ANO1: variants seen among roughly 807,000 people sequenced by gnomAD.
The protein encoded by ANO1 is anoctamin 1, also known as anoctamin-1.
In ANO1, 59 loss-of-function variants were observed where a neutral mutation model predicts 124.0. That is an observed-to-expected ratio of 0.48 (90% CI 0.39 to 0.59). The LOEUF (loss-of-function observed/expected upper bound fraction) is 0.59. Ranked by LOEUF, ANO1 falls within the 20% of genes least tolerant of loss-of-function variation. The pLI is 0.00. For missense variants in ANO1, 1,059 were observed against 1,328.0 expected (o/e 0.80, Z 3.15); for synonymous variants, 529 against 532.0 (o/e 0.99, Z 0.08).
chr11:70,157,054 CA>C (rs1173129646), intron 16 of ANO1, 33 bp downstream of exon 16: 1 of 1,586,858 alleles, frequency 6.3e-7, no homozygotes, highest in African/African-American at 1.3e-5. Flanking sequence ...CAGACGAAGT[CA>C]GGGGAAACCG....
intron 1 of ANO1, among the ~76,000 whole-genome samples, chr11:70,052,531 CTTT>C (rs200770702): frequency 7.6e-4 from 50 of 65,824 alleles, no homozygotes; most frequent in African/African-American, 1.0e-3. Context: ...TTTTTCTTTT[CTTT>C]TTTTTTTTTT....
At chr11:69,975,177 G>A in the ANO1 span, among the ~76,000 whole-genome samples, 5 of 152,200 alleles carry the variant, frequency 3.3e-5, no homozygotes, top group African/African-American at 1.2e-4. Context: ...CACCCGACAG[G>A]CCAAGCCTGG....
intron 4 of ANO1, among the ~76,000 whole-genome samples, chr11:70,105,289 G>A (rs955566367): frequency 2.0e-5 from 3 of 152,200 alleles, no homozygotes; most frequent in Non-Finnish European, 4.4e-5. Flanking sequence ...TCCCTATGCA[G>A]CCCATCAGGA....
In ANO1 at chr11:70,010,179, G is replaced by GTGTGTGTGTATA; in HGVS notation, c.58+24014_58+24015insGTGTGTGTATAT. Among the ~76,000 whole-genome samples the GTGTGTGTGTATA allele has an allele frequency of 6.7e-4, 56 of 83,802 alleles. 1 individual carries two copies. The highest frequency in any genetic ancestry group is 5.1e-4 in the Non-Finnish European group (21 of 41,504). The allele number at this position is 83,802 out of a possible 152,430, so 55.0% of individuals were successfully genotyped here. On this transcript the variant is annotated intron_variant, in intron 1 of 27. Transcript: ENST00000531349. ...TGTGTGTGTGTGCGCGTGTGTGTGTGTATATATATATATATATATCACATT... is the reference window on the plus strand; with the variant it reads ...TGTGTGTGTGTGCGCGTGTGTGTGTGTGTGTGTGTATATATATATATATATATATATCACATT...
At chr11:70,130,869 A>ATTTC (rs2046729046) in intron 10 of ANO1, among the ~76,000 whole-genome samples, 1 of 152,178 alleles carries the variant, frequency 6.6e-6, no homozygotes, top group Admixed American at 6.5e-5. Context: ...TCTCCCAGAG[A>ATTTC]AGAGTCCTGG....
chr11:70,011,383 C>A (rs1200449145), intron 1 of ANO1, among the ~76,000 whole-genome samples: 2 of 152,200 alleles, frequency 1.3e-5, no homozygotes, highest in African/African-American at 4.8e-5. Flanking sequence ...TCTGACCTTG[C>A]AGCTCACACA....
chr11:70,017,425 T>TCTTC (rs72202222), intron 1 of ANO1, among the ~76,000 whole-genome samples: 7 of 149,384 alleles, frequency 4.7e-5, no homozygotes, highest in East Asian at 2.1e-4. Flanking sequence ...GCAACAGTTT[T>TCTTC]CTTCCTTCCT....
intron 1 of ANO1, among the ~76,000 whole-genome samples, chr11:70,058,877 G>A (rs547803580): frequency 2.0e-5 from 3 of 152,132 alleles, no homozygotes; most frequent in African/African-American, 7.2e-5. Flanking sequence ...TGGGTGATTT[G>A]ACTAATAAAA....
chr11:70,120,517 G>T (rs1369072483), intron 8 of ANO1, among the ~76,000 whole-genome samples: 1 of 152,120 alleles, frequency 6.6e-6, no homozygotes, highest in African/African-American at 2.4e-5. Context: ...ACTGAGGTCT[G>T]CTGCATCCCT....
chr11:70,003,746 C>A (rs566588158), intron 1 of ANO1, among the ~76,000 whole-genome samples: 14 of 152,228 alleles, frequency 9.2e-5, no homozygotes, highest in Middle Eastern at 3.4e-3. Context: ...GATCAAATCA[C>A]TCCAATCCTA....
At chr11:70,082,030 G>A (rs1469092449) in intron 1 of ANO1, among the ~76,000 whole-genome samples, 1 of 152,178 alleles carries the variant, frequency 6.6e-6, no homozygotes. Context: ...CAAGAATCCT[G>A]TGACCTAAGT....
chr11:70,081,738 C>T (rs2044208223), intron 1 of ANO1, among the ~76,000 whole-genome samples: 1 of 152,182 alleles, frequency 6.6e-6, no homozygotes, highest in South Asian at 2.1e-4. Context: ...ATTGCTTTCC[C>T]CCTTCTGCCC....
In ANO1 at chr11:70,010,351, G is replaced by A. The variant is rs1432534150; in HGVS notation, c.58+24185G>A. Among the ~76,000 whole-genome samples the A allele has an allele frequency of 2.0e-5, 3 of 151,462 alleles. No homozygotes were observed. In the East Asian group the frequency reaches 5.9e-4, roughly 30 times the overall value. On this transcript the variant is annotated intron_variant, in intron 1 of 27. Transcript: ENST00000531349. ...ATAATGACTTCTTTTCCTCTGGGTA[G>A]ATACCCAGTACTGGCTCTTTTTAAC...
chr11:70,026,944 T>A (rs1232134207), intron 1 of ANO1, among the ~76,000 whole-genome samples: 1 of 152,184 alleles, frequency 6.6e-6, no homozygotes, highest in African/African-American at 2.4e-5. Context: ...CACTTGCTGC[T>A]GCCTCTTCCT....
At position 70,145,665 on chromosome 11, in the gene ANO1, A is replaced by C. The variant is rs1424087725; in HGVS notation, c.1259-4045A>C. 3.3e-5 allele frequency among the ~76,000 whole-genome samples: 5 copies of C among 152,218 alleles called. No homozygotes were observed. The East Asian group carries it at 9.7e-4, about 29-fold the overall frequency. On this transcript the variant is annotated intron_variant, in intron 11 of 25. Transcript: ENST00000355303. Reference sequence around the variant, plus strand: ...AATACCACGGTTCAATGCCAGGTGCAGTGGCTCATAACTGTAATCCCAGCA... The same window carrying C: ...AATACCACGGTTCAATGCCAGGTGCCGTGGCTCATAACTGTAATCCCAGCA...
intron 1 of ANO1, among the ~76,000 whole-genome samples, chr11:70,023,045 C>T (rs374975264): frequency 9.8e-5 from 15 of 152,322 alleles, no homozygotes; most frequent in East Asian, 1.9e-4. Context: ...GGCAAGGAAA[C>T]AAGCTCTCCC....
intron 1 of ANO1, among the ~76,000 whole-genome samples, chr11:70,050,797 C>G (rs1857339799): frequency 6.6e-6 from 1 of 152,110 alleles, no homozygotes; most frequent in African/African-American, 2.4e-5. Context: ...GCTTTGTGAC[C>G]TAGGGCAAGT....
At position 70,087,894 on chromosome 11, in the gene ANO1, A is replaced by G. The variant is rs765359926; in HGVS notation, c.251A>G (p.Gln84Arg). The G allele has an allele frequency of 5.0e-6, 8 of 1,611,630 alleles. No homozygotes were observed. The highest frequency in any genetic ancestry group is 3.3e-5 in the South Asian group (3 of 90,600). Reference sequence around the variant, plus strand: ...AACCGGACCCTGGTCAGGAGGGTGCAGCACAGCGACACCCCCTCTGGGGCT... The same window carrying G: ...AACCGGACCCTGGTCAGGAGGGTGCGGCACAGCGACACCCCCTCTGGGGCT... ...SGNRTLVRRV[Q>R]HSDTPSGARS... is the part of the protein sequence containing the mutation. Residue 84 changes from glutamine (Q) to arginine (R), a missense_variant, in exon 2 of 26, where the codon CAG becomes CGG. Physicochemically the swap from Gln to Arg is conservative, Grantham distance 43 (BLOSUM62 1). This residue lies in a region of ANO1 where 250 missense variants were observed against 233.1 expected (regional missense o/e 1.07). Transcript: ENST00000355303.
the ANO1 span, among the ~76,000 whole-genome samples, chr11:69,972,844 A>T: frequency 6.6e-6 from 1 of 150,760 alleles, no homozygotes; most frequent in African/African-American, 2.4e-5. Context: ...ACACACACCC[A>T]TACTCAGTGG....
Sources: gnomAD v4.1 joint callset for allele counts (sites outside exome capture counted in the v4.1 genomes callset) on GRCh38, gnomAD v4.1.1 for gene constraint, gnomAD v4.1.1 regional missense constraint, MANE v1.5 for transcripts, NCBI Gene and HGNC (gene_info 2026-07-23, HGNC 2026-07-21) for gene names.